CDH12: variants seen among roughly 807,000 people sequenced by gnomAD.
The protein encoded by CDH12 is cadherin-12.
A neutral mutation model predicts 74.1 loss-of-function variants in CDH12; 41 were observed. The ratio of observed to expected loss-of-function variants is 0.55; its 90% CI spans 0.43 to 0.72. The LOEUF (loss-of-function observed/expected upper bound fraction) is 0.72. CDH12 is among the 30% of genes least tolerant of loss of function. The pLI is 0.00. For missense variants in CDH12, 945 were observed against 977.2 expected (o/e 0.97, Z 0.44); for synonymous variants, 399 against 355.0 (o/e 1.12, Z -1.39).
At chr5:22,094,151 T>A (rs549534335) in intron 4 of CDH12, among the ~76,000 whole-genome samples, 130 of 152,264 alleles carry the variant, frequency 8.5e-4, no homozygotes, top group Non-Finnish European at 1.5e-3. Context: ...CAGATGAATT[T>A]TCCCAAGACA....
At chr5:22,304,841 G>T (rs1434594246) in intron 3 of CDH12, among the ~76,000 whole-genome samples, 1 of 152,084 alleles carries the variant, frequency 6.6e-6, no homozygotes, top group African/African-American at 2.4e-5. Flanking sequence ...TGCATAAATT[G>T]GTTAATCAAG....
chr5:22,083,266 G>A (rs1742857633), intron 4 of CDH12, among the ~76,000 whole-genome samples: 1 of 152,166 alleles, frequency 6.6e-6, no homozygotes, highest in Non-Finnish European at 1.5e-5. Flanking sequence ...ATCGACCTCT[G>A]CATGTTCAAC....
chr5:21,968,633 G>T (rs1341196040), intron 6 of CDH12, among the ~76,000 whole-genome samples: 1 of 152,134 alleles, frequency 6.6e-6, no homozygotes, highest in Non-Finnish European at 1.5e-5. Context: ...TCATCTTTTA[G>T]TCTGTGCATT....
chr5:21,848,829 A>G (rs1750317253), intron 7 of CDH12, among the ~76,000 whole-genome samples: 1 of 151,848 alleles, frequency 6.6e-6, no homozygotes, highest in Non-Finnish European at 1.5e-5. Flanking sequence ...TAGTAGCATC[A>G]GAGGATTATA....
intron 3 of CDH12, among the ~76,000 whole-genome samples, chr5:22,342,835 T>TG (rs1482283132): frequency 3.4e-5 from 5 of 146,884 alleles, no homozygotes; most frequent in East Asian, 4.3e-4. Flanking sequence ...TCTGTCTCTC[T>TG]TTCTGTCTGT....
At chr5:21,903,975 A>C (rs7448952) in intron 6 of CDH12, among the ~76,000 whole-genome samples, 111,022 of 151,788 alleles carry the variant, frequency 0.73, 43,183 homozygotes, top group Non-Finnish European at 0.86. Flanking sequence ...CCAGATTAAA[A>C]TGTCTTGCTA....
chr5:21,822,343 A>C (rs1287596665), intron 8 of CDH12, among the ~76,000 whole-genome samples: 1 of 150,678 alleles, frequency 6.6e-6, no homozygotes, highest in Non-Finnish European at 1.5e-5. Flanking sequence ...AGATGAAAGA[A>C]AGACAGATCT....
At chr5:21,893,459 T>C (rs1196724425) in intron 6 of CDH12, among the ~76,000 whole-genome samples, 1 of 152,204 alleles carries the variant, frequency 6.6e-6, no homozygotes, top group Admixed American at 6.5e-5. Context: ...GACACACCTA[T>C]AGAAATATTT....
At chr5:21,917,126 C>T (rs537435695) in intron 6 of CDH12, among the ~76,000 whole-genome samples, 1 of 152,138 alleles carries the variant, frequency 6.6e-6, no homozygotes, top group Non-Finnish European at 1.5e-5. Flanking sequence ...GTACTGAACT[C>T]TCTGAACTTC....
chr5:22,819,569 G>C (rs1348878524), intron 1 of CDH12, among the ~76,000 whole-genome samples: 1 of 151,664 alleles, frequency 6.6e-6, no homozygotes, highest in Non-Finnish European at 1.5e-5. Context: ...AAATCTAAGA[G>C]AAATCATACA....
At chr5:22,590,266 T>A (rs1222701511) in intron 1 of CDH12, among the ~76,000 whole-genome samples, 7 of 152,100 alleles carry the variant, frequency 4.6e-5, no homozygotes, top group Admixed American at 2.0e-4. Flanking sequence ...AATCTAAAGA[T>A]CATGAGCCTC....
chr5:21,954,138 A>G (rs2883637), intron 6 of CDH12, among the ~76,000 whole-genome samples: 6 of 151,026 alleles, frequency 4.0e-5, no homozygotes, highest in African/African-American at 1.5e-4. Flanking sequence ...TCATTACTTA[A>G]TGATGATAAT....
At chr5:22,201,668 A>C (rs2150354960) in intron 4 of CDH12, among the ~76,000 whole-genome samples, 1 of 152,248 alleles carries the variant, frequency 6.6e-6, no homozygotes, top group Middle Eastern at 3.4e-3. Context: ...CCTTAAATAT[A>C]TACAAAAAAA....
In CDH12 at chr5:22,254,640, G is replaced by A. The variant is rs531820192; in HGVS notation, c.-332-41997C>T. 2.6e-5 allele frequency among the ~76,000 whole-genome samples: 4 copies of A among 151,820 alleles called. No individual in the cohort carries two copies. The South Asian group carries it at 8.3e-4, about 31-fold the overall frequency. ...AAAAGTTTACCTATGTAACAAACCTGCACTTGTACGTCTGAACTTAAAATA... is the reference window on the plus strand; with the variant it reads ...AAAAGTTTACCTATGTAACAAACCTACACTTGTACGTCTGAACTTAAAATA... On this transcript the variant is annotated intron_variant, in intron 3 of 14. Coordinates refer to ENST00000382254, the MANE Select transcript of CDH12 (RefSeq NM_004061.5).
intron 5 of CDH12, among the ~76,000 whole-genome samples, chr5:21,993,848 G>A (rs1736110526): frequency 6.6e-6 from 1 of 152,006 alleles, no homozygotes; most frequent in Admixed American, 6.6e-5. Context: ...TGCAGCAATA[G>A]AATACTAGTA....
chr5:22,066,610 G>T (rs1478875747), intron 5 of CDH12, among the ~76,000 whole-genome samples: 1 of 152,116 alleles, frequency 6.6e-6, no homozygotes, highest in Non-Finnish European at 1.5e-5. Context: ...GCAGCTGGAA[G>T]ATTCCCCACA....
intron 1 of CDH12, among the ~76,000 whole-genome samples, chr5:22,782,039 T>G (rs1218621708): frequency 6.6e-6 from 1 of 152,178 alleles, no homozygotes; most frequent in Non-Finnish European, 1.5e-5. Flanking sequence ...CCAATGTCTG[T>G]ACCCCACATT....
intron 3 of CDH12, among the ~76,000 whole-genome samples, chr5:22,227,363 TAAATA>T (rs796838174): frequency 6.6e-5 from 10 of 152,214 alleles, no homozygotes; most frequent in African/African-American, 2.4e-4. Flanking sequence ...TTTTCACAGA[TAAATA>T]AAGTCCCACA....
At chr5:22,534,249 T>A (rs561775762) in intron 1 of CDH12, among the ~76,000 whole-genome samples, 77 of 152,174 alleles carry the variant, frequency 5.1e-4, no homozygotes, top group Non-Finnish European at 8.8e-5. Flanking sequence ...GGTGTTTGGT[T>A]ACATGAGTAC....
Sources: gnomAD v4.1 joint callset for allele counts (sites outside exome capture counted in the v4.1 genomes callset) on GRCh38, gnomAD v4.1.1 for gene constraint, MANE v1.5 for transcripts, NCBI Gene and HGNC (gene_info 2026-07-23, HGNC 2026-07-21) for gene names.